Variants in SPATS2L observed in about 807,000 individuals in gnomAD.
The protein encoded by SPATS2L is SPATS2-like protein.
SPATS2L carries 30 observed loss-of-function variants against 59.6 expected under a neutral mutation model. The observed-to-expected ratio is 0.50, with a 90% CI of 0.38 to 0.68. The LOEUF (loss-of-function observed/expected upper bound fraction) is 0.68. SPATS2L is among the 30% of genes least tolerant of loss of function. SPATS2L has a pLI of 0.00. For missense variants in SPATS2L, 615 were observed against 700.0 expected, an observed-to-expected ratio of 0.88 and a Z score of 1.37; for synonymous variants, 252 against 263.5, an observed-to-expected ratio of 0.96 and a Z score of 0.42.
Position 200,369,639 on chromosome 2 carries a change from G to A in SPATS2L, c.-22-19584G>A, listed in dbSNP as rs894048392. On this transcript the variant is annotated intron_variant, in intron 2 of 12. Transcript: ENST00000409140. ...GTACTGGATAATAAGTATAAATTAA[G>A]TATAATATATAAAAAAATCCTAAAA... 2.0e-5 allele frequency among the ~76,000 whole-genome samples: 3 copies of A among 151,912 alleles called. No individual in the cohort carries two copies. In the South Asian group the frequency reaches 6.2e-4, roughly 32 times the overall value.
chr2:200,334,664 T>G (rs1197348861), intron 2 of SPATS2L, among the ~76,000 whole-genome samples: 1 of 151,968 alleles, frequency 6.6e-6, no homozygotes, highest in Non-Finnish European at 1.5e-5. Flanking sequence ...TTTAAGTCTT[T>G]AATCCATCTT....
At position 200,448,545 on chromosome 2, in the gene SPATS2L, A is replaced by G. The variant is rs538876378; in HGVS notation, c.788+7761A>G. ...TCAAGTGTTTGAATTGTGTTTTTTA[A>G]TGTTTTGTTTTAAAAGACATTTAAT... On this transcript the variant is annotated intron_variant, in intron 8 of 12. Transcript: ENST00000409140. 7.9e-5 allele frequency among the ~76,000 whole-genome samples: 12 copies of G among 152,294 alleles called. No individual in the cohort carries two copies. In the South Asian group the frequency reaches 2.5e-3, roughly 32 times the overall value.
chr2:200,407,649 CCTTATTCTA>C (rs1559105017), intron 3 of SPATS2L, among the ~76,000 whole-genome samples: 1 of 152,134 alleles, frequency 6.6e-6, no homozygotes, highest in Non-Finnish European at 1.5e-5. Flanking sequence ...ACCATGAGTA[CCTTATTCTA>C]CAGAATTAAA....
intron 8 of SPATS2L, among the ~76,000 whole-genome samples, chr2:200,456,084 C>A (rs2085816059): frequency 6.6e-6 from 1 of 152,210 alleles, no homozygotes; most frequent in African/African-American, 2.4e-5. Context: ...CTTCCCTTGA[C>A]AAGCCTACTG....
At chr2:200,342,885 C>T (rs1263009617) in intron 2 of SPATS2L, among the ~76,000 whole-genome samples, 1 of 151,960 alleles carries the variant, frequency 6.6e-6, no homozygotes, top group African/African-American at 2.4e-5. Flanking sequence ...CAGAAATGTC[C>T]AATTTAGAAA....
At chr2:200,383,638 C>T (rs2081898154) in intron 2 of SPATS2L, among the ~76,000 whole-genome samples, 1 of 152,180 alleles carries the variant, frequency 6.6e-6, no homozygotes, top group Non-Finnish European at 1.5e-5. Flanking sequence ...TCTCTACCAA[C>T]TTGGTCATTT....
intron 2 of SPATS2L, among the ~76,000 whole-genome samples, chr2:200,353,858 C>T (rs569067739): frequency 2.6e-4 from 39 of 152,206 alleles, no homozygotes; most frequent in Non-Finnish European, 4.0e-4. Context: ...CTCTGGTCCT[C>T]TCTTTATAGT....
At chr2:200,397,920 G>A (rs1255144283) in intron 3 of SPATS2L, among the ~76,000 whole-genome samples, 1 of 152,148 alleles carries the variant, frequency 6.6e-6, no homozygotes, top group Non-Finnish European at 1.5e-5. Flanking sequence ...TGGGGAAGAG[G>A]GTAGGCAGCC....
At chr2:200,414,227 CCTT>C (rs1314196325) in intron 4 of SPATS2L, among the ~76,000 whole-genome samples, 5 of 152,224 alleles carry the variant, frequency 3.3e-5, no homozygotes, top group Non-Finnish European at 2.9e-5. Context: ...CCTTGCTTGT[CCTT>C]CTTGAAATTT....
In SPATS2L at chr2:200,354,972, C is replaced by T. The variant is rs1210236003; in HGVS notation, c.-23+25492C>T. Among the ~76,000 whole-genome samples the T allele has an allele frequency of 5.9e-5, 9 of 152,012 alleles. 1 individual carries two copies. The highest frequency in any genetic ancestry group is 1.3e-4 in the Admixed American group (2 of 15,260). On this transcript the variant is annotated intron_variant, in intron 2 of 12. Transcript: ENST00000409140. ...TACATGACATTTAGGAAATGTCAAC[C>T]GTGAATGACTTTTTTTTTTAATTGT...
chr2:200,421,731 A>G (rs2083313741), intron 6 of SPATS2L, among the ~76,000 whole-genome samples: 2 of 152,196 alleles, frequency 1.3e-5, no homozygotes, highest in South Asian at 4.1e-4. Flanking sequence ...TTTTTAATTC[A>G]ATTTTCACTG....
chr2:200,333,917 G>T (rs1352953800), intron 2 of SPATS2L, among the ~76,000 whole-genome samples: 1 of 152,058 alleles, frequency 6.6e-6, no homozygotes, highest in Non-Finnish European at 1.5e-5. Flanking sequence ...GGACATTTGG[G>T]TTGGTTCCAA....
chr2:200,344,651 T>A (rs1441384868), intron 2 of SPATS2L, among the ~76,000 whole-genome samples: 1 of 152,206 alleles, frequency 6.6e-6, no homozygotes, highest in Non-Finnish European at 1.5e-5. Context: ...GTCACACTGC[T>A]TTCCACAATG....
chr2:200,306,970 G>A (rs1246677338), intron 1 of SPATS2L, 48 bp downstream of exon 1: 78 of 983,016 alleles, frequency 7.9e-5, no homozygotes, highest in Non-Finnish European at 9.0e-5. Flanking sequence ...GATGCAGGGC[G>A]CGGGCGGACG....
chr2:200,322,089 A>ATGCT (rs1187765561), intron 1 of SPATS2L, among the ~76,000 whole-genome samples: 3 of 152,232 alleles, frequency 2.0e-5, no homozygotes, highest in Non-Finnish European at 2.9e-5. Flanking sequence ...CTTGGCTGGA[A>ATGCT]TGCTTGACTT....
intron 3 of SPATS2L, among the ~76,000 whole-genome samples, chr2:200,411,187 C>T (rs2082865531): frequency 6.6e-6 from 1 of 152,030 alleles, no homozygotes. Context: ...ATGACAGTAG[C>T]TTGTGCTGTT....
intron 3 of SPATS2L, among the ~76,000 whole-genome samples, chr2:200,406,677 A>AT (rs1444460922): frequency 6.6e-6 from 1 of 152,134 alleles, no homozygotes; most frequent in African/African-American, 2.4e-5. Flanking sequence ...TGCTTCCTTC[A>AT]TAGCACTCAC....
chr2:200,380,579 A>T (rs2081771711), intron 2 of SPATS2L, among the ~76,000 whole-genome samples: 1 of 152,226 alleles, frequency 6.6e-6, no homozygotes, highest in East Asian at 1.9e-4. Context: ...ACTGTTAATG[A>T]CCTGTTTAAA....
intron 2 of SPATS2L, among the ~76,000 whole-genome samples, chr2:200,367,524 C>T (rs1242426905): frequency 2.0e-5 from 3 of 152,150 alleles, no homozygotes; most frequent in African/African-American, 7.2e-5. Context: ...AGATGAAAAT[C>T]TATACTTTTC....
Sources: allele counts gnomAD v4.1 joint callset (sites outside exome capture counted in the v4.1 genomes callset), GRCh38; gene constraint gnomAD v4.1.1; transcripts MANE v1.5; gene names NCBI Gene and HGNC (gene_info 2026-07-23, HGNC 2026-07-21).